The following SUPT20H variants were observed in gnomAD, a reference collection of about 807,000 sequenced individuals.
The protein encoded by SUPT20H is transcription factor SPT20 homolog.
A neutral mutation model predicts 122.8 loss-of-function variants in SUPT20H; 82 were observed. That is an observed-to-expected ratio of 0.67 (90% confidence interval 0.56 to 0.80). SUPT20H has a LOEUF of 0.80. Ranked by LOEUF, SUPT20H falls within the 30% of genes least tolerant of loss-of-function variation. SUPT20H has a pLI of 0.00. For missense variants in SUPT20H, 831 were observed against 921.6 expected, an observed-to-expected ratio of 0.90 and a Z score of 1.27; for synonymous variants, 291 against 313.0, an observed-to-expected ratio of 0.93 and a Z score of 0.74.
intron 5 of SUPT20H, chr13:37,047,069 T>C (rs973264016): frequency 3.9e-5 from 6 of 152,440 alleles, no homozygotes; most frequent in South Asian, 2.1e-4. Context: ...TTAAGTTAAA[T>C]TGGCCATGAA....
intron 9 of SUPT20H, among the ~76,000 whole-genome samples, chr13:37,037,139 G>A (rs1460769709): frequency 6.6e-6 from 1 of 150,422 alleles, no homozygotes; most frequent in Non-Finnish European, 1.5e-5. Context: ...AGAGATTGCA[G>A]TGAGCTGAGA....
chr13:37,031,633 T>TA lies in SUPT20H; in HGVS notation c.865-11dup, dbSNP rs1180272712. 3 of 1,560,596 alleles carry TA rather than the reference T, an allele frequency of 1.9e-6. No individual in the cohort carries two copies. The highest frequency in any genetic ancestry group is 1.7e-6 in the Non-Finnish European group (2 of 1,162,040). On this transcript the variant is annotated splice_polypyrimidine_tract_variant and intron_variant, in intron 11 of 25. Transcript: ENST00000350612. ...TCCACATATCTACACACTGAAAAAT[T>TA]AAAAACAATATACTGAAAAATTAAA...
intron 7 of SUPT20H, 35 bp downstream of exon 7, chr13:37,044,043 A>G (rs1278722697): frequency 4.3e-6 from 6 of 1,400,446 alleles, no homozygotes; most frequent in Non-Finnish European, 6.0e-6. Flanking sequence ...ACATATAACA[A>G]ATATAAAGAC....
intron 10 of SUPT20H, among the ~76,000 whole-genome samples, chr13:37,033,203 G>GA (rs952955006): frequency 6.9e-4 from 99 of 143,928 alleles, no homozygotes; most frequent in East Asian, 2.8e-3. Context: ...TTTTCAAAAA[G>GA]AAAAAAAAAA....
intron 13 of SUPT20H, 140 bp from the exon 14 acceptor site, chr13:37,028,445 T>G: frequency 1.3e-6 from 1 of 784,962 alleles, no homozygotes; most frequent in Non-Finnish European, 2.0e-6. Flanking sequence ...CAAAGATATT[T>G]AAGTCTGCCT....
intron 2 of SUPT20H, among the ~76,000 whole-genome samples, chr13:37,049,733 C>A (rs2067254590): frequency 6.6e-6 from 1 of 152,060 alleles, no homozygotes; most frequent in African/African-American, 2.4e-5. Flanking sequence ...GGGCAAAACT[C>A]CATCTCAAAA....
intron 22 of SUPT20H, among the ~76,000 whole-genome samples, chr13:37,019,014 TAA>T (rs1404814776): frequency 2.6e-5 from 4 of 152,194 alleles, no homozygotes; most frequent in African/African-American, 9.6e-5. Flanking sequence ...TATGTATACA[TAA>T]AACATCTGTT....
At chr13:37,041,841 A>G (rs1210160669) in intron 7 of SUPT20H, among the ~76,000 whole-genome samples, 2 of 152,240 alleles carry the variant, frequency 1.3e-5, no homozygotes, top group African/African-American at 4.8e-5. Context: ...AGAACAAAGT[A>G]ATTTTAGATA....
In SUPT20H at chr13:37,012,187, C is replaced by G. The variant is rs375058705; in HGVS notation, c.2098+5G>C. The G allele has an allele frequency of 1.9e-6, 3 of 1,607,536 alleles. No homozygotes were observed. The highest frequency in any genetic ancestry group is 2.7e-5 in the African/African-American group (2 of 74,746). On this transcript the variant is annotated splice_donor_5th_base_variant and intron_variant, in intron 24 of 25. Coordinates refer to ENST00000350612, the MANE Select transcript of SUPT20H (RefSeq NM_001014286.3). Reference sequence around the variant, plus strand: ...TTCAGCATATAAAGTTATGAAGATACCTACCAGCTGCCTGTGACTGCATAA... The same window carrying G: ...TTCAGCATATAAAGTTATGAAGATAGCTACCAGCTGCCTGTGACTGCATAA...
chr13:37,048,508 A>G, intron 3 of SUPT20H, 56 bp downstream of exon 3: 1 of 1,486,044 alleles, frequency 6.7e-7, no homozygotes, highest in South Asian at 1.4e-5. Context: ...CTTAAAACTG[A>G]GCTTTTGTCA....
chr13:37,027,811 C>T (rs2062580096), intron 14 of SUPT20H, among the ~76,000 whole-genome samples: 1 of 152,062 alleles, frequency 6.6e-6, no homozygotes, highest in South Asian at 2.1e-4. Context: ...AAACTTGCTT[C>T]CTATTTAAAC....
chr13:37,022,448 G>A lies in SUPT20H; in HGVS notation c.1592-368C>T, dbSNP rs1463174260. 4.6e-6 allele frequency: 6 copies of A among 1,302,464 alleles called. No individual in the cohort carries two copies. Among genetic ancestry groups the A allele is most frequent in the Non-Finnish European group, 5.8e-6 (6 of 1,028,446 alleles). The allele number at this position is 1,302,464 out of a possible 1,614,324, so 80.7% of individuals were successfully genotyped here. A position where few individuals can be genotyped will look rare whatever the true frequency, so the allele number is the denominator to read the frequency against. On this transcript the variant is annotated intron_variant, in intron 19 of 25. Transcript: ENST00000350612. This position sits in a 1 kb window ranked among gnomAD's most constrained non-coding sequence, Gnocchi z 4.5. ...TTTTTTTTTTAGCAGTTAACTGCAA[G>A]TGTTAATTTCTACACATGATACATG... is the stretch of plus-strand genomic sequence containing the variant.
intron 12 of SUPT20H, among the ~76,000 whole-genome samples, chr13:37,030,401 G>A (rs1210377525): frequency 6.6e-6 from 1 of 152,184 alleles, no homozygotes; most frequent in Non-Finnish European, 1.5e-5. Context: ...GATCTTAAGA[G>A]TAATTTAGAC....
chr13:37,048,334 T>A (rs2066913459), intron 3 of SUPT20H, among the ~76,000 whole-genome samples: 1 of 152,156 alleles, frequency 6.6e-6, no homozygotes, highest in Admixed American at 6.5e-5. Flanking sequence ...AAATTCTATA[T>A]CCTTCTTCAA....
chr13:37,048,572 G>T lies in SUPT20H; in HGVS notation c.31C>A (p.Arg11Ser), dbSNP rs759520883. 2.5e-6 allele frequency: 4 copies of T among 1,599,028 alleles called. No homozygotes were observed. The highest frequency in any genetic ancestry group is 4.5e-5 in the East Asian group (2 of 44,054). ...ACTTAGTCACACCTCACCTCTGCACGATCCAAAGCTAGTTCTAAAGCTTGT... is the reference window on the plus strand; with the variant it reads ...ACTTAGTCACACCTCACCTCTGCACTATCCAAAGCTAGTTCTAAAGCTTGT... MQQALELALD[R>S]AEYVIESARQ... The change falls in exon 3 of 26, where the codon CGT (arginine) becomes AGT (serine). Residue 11 changes from arginine (R) to serine (S), a missense_variant. By Grantham distance (110) the Arg-to-Ser change is moderately radical. Transcript: ENST00000350612.
intron 21 of SUPT20H, among the ~76,000 whole-genome samples, 181 bp downstream of exon 21, chr13:37,021,267 T>C (rs1170807396): frequency 6.6e-6 from 1 of 152,254 alleles, no homozygotes; most frequent in Non-Finnish European, 1.5e-5. Flanking sequence ...AGAAGTTGAC[T>C]GCTAGAAGAC....
chr13:37,058,387 G>A (rs2069717958), intron 1 of SUPT20H, among the ~76,000 whole-genome samples: 1 of 152,190 alleles, frequency 6.6e-6, no homozygotes, highest in Non-Finnish European at 1.5e-5. Flanking sequence ...AAGCTCGTAG[G>A]AGGTTTAAGT....
At chr13:37,052,101 T>C (rs142953833) in intron 1 of SUPT20H, among the ~76,000 whole-genome samples, 133 of 152,236 alleles carry the variant, frequency 8.7e-4, no homozygotes, top group African/African-American at 2.9e-3. Context: ...AAAATGGCCA[T>C]ATTGCCCTAA....
At position 37,022,592 on chromosome 13, in the gene SUPT20H, A is replaced by G. The variant is rs2061586038; in HGVS notation, c.1592-512T>C. 8.8e-7 allele frequency: 1 copy of G among 1,133,190 alleles called. No individual in the cohort carries two copies. Among genetic ancestry groups the G allele is most frequent in the Admixed American group, 4.6e-5 (1 of 21,934 alleles). The allele number at this position is 1,133,190 out of a possible 1,614,324, so 70.2% of individuals were successfully genotyped here. A position where few individuals can be genotyped will look rare whatever the true frequency, so the allele number is the denominator to read the frequency against. On this transcript the variant is annotated intron_variant, in intron 19 of 25. Transcript: ENST00000350612. This position sits in a 1 kb window ranked among gnomAD's most constrained non-coding sequence, Gnocchi z 4.5. ...TATATTCTACCACAATACCCATTTA[A>G]AAGTTAGTTTCCTACATGCTGCCTT...
Sources: gnomAD v4.1 joint callset for allele counts (sites outside exome capture counted in the v4.1 genomes callset) on GRCh38, gnomAD v4.1.1 for gene constraint, Gnocchi (gnomAD v3.1) non-coding constraint, MANE v1.5 for transcripts, NCBI Gene and HGNC (gene_info 2026-07-23, HGNC 2026-07-21) for gene names.